NPC1: variants seen among roughly 807,000 people sequenced by gnomAD.
NPC1 encodes Niemann-Pick C1 protein.
Under a neutral mutation model 140.4 loss-of-function variants are expected in NPC1, and 85 were observed. The observed-to-expected ratio is 0.61, with a 90% confidence interval of 0.51 to 0.72. The LOEUF is 0.72. NPC1 is among the 30% of genes least tolerant of loss of function. The pLI is 0.00. For missense variants in NPC1, 1,504 were observed against 1,623.8 expected, an observed-to-expected ratio of 0.93 and a Z score of 1.27; for synonymous variants, 656 against 624.8, an observed-to-expected ratio of 1.05 and a Z score of -0.74.
downstream of NPC1, chr18:23,531,396 C>G: frequency 1.3e-6 from 1 of 770,552 alleles, no homozygotes; most frequent in Non-Finnish European, 1.9e-6. Context: ...ATTTCTAGCT[C>G]AATGTAAGAC....
At chr18:23,546,756 AT>A (rs2058795818) in intron 11 of NPC1, among the ~76,000 whole-genome samples, 1 of 152,228 alleles carries the variant, frequency 6.6e-6, no homozygotes, top group Admixed American at 6.5e-5. Context: ...AAGTCCACAT[AT>A]TATTCTATGC....
At chr18:23,529,503 T>C, downstream of NPC1, 1 of 1,234,100 alleles carries the variant, frequency 8.1e-7, no homozygotes, top group Non-Finnish European at 1.2e-6. Flanking sequence ...TGGAGCGATG[T>C]GTGCAAAACC....
At chr18:23,559,212 A>G (rs1197170456) in intron 6 of NPC1, among the ~76,000 whole-genome samples, 1 of 152,190 alleles carries the variant, frequency 6.6e-6, no homozygotes, top group South Asian at 2.1e-4. Flanking sequence ...TAGCAGCATG[A>G]TTTATAATCC....
intron 2 of NPC1, among the ~76,000 whole-genome samples, chr18:23,572,678 T>TA (rs1234105551): frequency 6.6e-6 from 1 of 152,018 alleles, no homozygotes; most frequent in Admixed American, 6.6e-5. Flanking sequence ...CCCAAATTTT[T>TA]AAAAAATTAG....
intron 1 of NPC1, among the ~76,000 whole-genome samples, chr18:23,577,347 T>A (rs1356056833): frequency 1.8e-5 from 2 of 111,162 alleles, no homozygotes; most frequent in South Asian, 3.2e-4. Flanking sequence ...CTCACAAACC[T>A]TGAGCTAAAC....
chr18:23,508,631 A>G (rs1168003235), intron 3 of NPC1: 1 of 152,198 alleles, frequency 6.6e-6, no homozygotes, highest in Non-Finnish European at 1.5e-5. Flanking sequence ...CATTTTTGTG[A>G]CTGTTTTGCT....
chr18:23,540,469 A>T lies in NPC1; in HGVS notation c.2583T>A (p.Asp861Glu). The T allele has an allele frequency of 6.2e-7, 1 of 1,610,218 alleles. No homozygotes were observed. The highest frequency in any genetic ancestry group is 1.1e-5 in the South Asian group (1 of 90,964). Residue 861 changes from aspartate to glutamate, a missense_variant, in exon 17 of 25, where the codon GAT becomes GAA. Transcript: ENST00000269228. Reference protein sequence around the residue: ...AVLNKVDIGLDQSLSMPDDSY... With the variant: ...AVLNKVDIGLEQSLSMPDDSY... ...TTACATCTGGCATCGAAAGAGACTG[A>T]TCCAATCCAATATCTACTTTGTTCA...
intron 3 of NPC1, among the ~76,000 whole-genome samples, chr18:23,517,104 C>T (rs1203737759): frequency 2.6e-5 from 4 of 151,476 alleles, no homozygotes; most frequent in Admixed American, 2.6e-4. Context: ...ATGTAACAGA[C>T]ATGGAACTAA....
rs761667445 is a variant in NPC1 at position 23,536,686 on chromosome 18, C to T, written c.3232G>A (p.Val1078Ile). ...TMGINGSAYRVFPYSVFYVFY... is the reference protein window; with the variant it reads ...TMGINGSAYRIFPYSVFYVFY... ...GGCAGGCTTTACCTGTAAGGAAATA[C>T]TCGGTAGGCACTGCCGTTAATGCCC... The change falls in exon 21 of 25, where the codon GTA (valine) becomes ATA (isoleucine). Residue 1078 changes from valine (V) to isoleucine (I), a missense_variant. Coordinates refer to ENST00000269228, the MANE Select transcript of NPC1 (RefSeq NM_000271.5). The T allele has an allele frequency of 6.2e-7, 1 of 1,613,968 alleles. No homozygotes were observed. Among genetic ancestry groups the T allele is most frequent in the South Asian group, 1.1e-5 (1 of 91,058 alleles).
At chr18:23,536,218 T>C (rs1287156058) in intron 21 of NPC1, among the ~76,000 whole-genome samples, 1 of 152,164 alleles carries the variant, frequency 6.6e-6, no homozygotes, top group Non-Finnish European at 1.5e-5. Flanking sequence ...TTCTACAGTT[T>C]CTAAATTCAG....
rs1434362684 is a variant in NPC1 at position 23,541,288 on chromosome 18, A to C, written c.2373+18T>G. On this transcript the variant is annotated intron_variant, in intron 15 of 24. Coordinates refer to ENST00000269228, the MANE Select transcript of NPC1 (RefSeq NM_000271.5). ...CTAGACTCAAATTAAATAGACTATAATCCTGGCACCAACTTACCTCTTGAC... is the reference window on the plus strand; with the variant it reads ...CTAGACTCAAATTAAATAGACTATACTCCTGGCACCAACTTACCTCTTGAC... 2 of 1,614,064 alleles carry C rather than the reference A, an allele frequency of 1.2e-6. No homozygotes were observed.
chr18:23,544,215 G>T, intron 13 of NPC1, 129 bp downstream of exon 13: 1 of 884,900 alleles, frequency 1.1e-6, no homozygotes, highest in Non-Finnish European at 1.8e-6. Context: ...CAAGACGACC[G>T]ATGAGCCACA....
intron 1 of NPC1, among the ~76,000 whole-genome samples, chr18:23,575,881 G>GT (rs1240888076): frequency 1.3e-5 from 2 of 150,820 alleles, no homozygotes; most frequent in Non-Finnish European, 3.0e-5. Flanking sequence ...GAGCCCAGGA[G>GT]TTTGAGACCA....
At chr18:23,572,819 A>G (rs892071128) in intron 2 of NPC1, among the ~76,000 whole-genome samples, 1 of 152,230 alleles carries the variant, frequency 6.6e-6, no homozygotes, top group Non-Finnish European at 1.5e-5. Context: ...CAGCCAGGAT[A>G]AAAGAGCAAG....
At chr18:23,553,479 G>A (rs1034067572) in intron 9 of NPC1, among the ~76,000 whole-genome samples, 2 of 152,142 alleles carry the variant, frequency 1.3e-5, no homozygotes, top group African/African-American at 2.4e-5. Context: ...TGCATAAAAA[G>A]TCTTACTCCA....
At chr18:23,530,537 A>G (rs1367274353), downstream of NPC1, 3 of 1,614,262 alleles carry the variant, frequency 1.9e-6, no homozygotes, top group Non-Finnish European at 1.7e-6. Flanking sequence ...TGAAGACAAC[A>G]TGCTTTTCTA....
Position 23,548,007 on chromosome 18 carries a change from C to T in NPC1, c.1756G>A (p.Glu586Lys), listed in dbSNP as rs369753548. 7 of 1,576,840 alleles carry T rather than the reference C, an allele frequency of 4.4e-6. No homozygotes were observed. In the African/African-American group the frequency reaches 8.1e-5, roughly 18 times the overall value. Reference protein sequence around the residue: ...KLQRAQAWEKEFINFVKNYKN... With the variant: ...KLQRAQAWEKKFINFVKNYKN... The stretch of plus-strand genomic sequence containing the variant: ...TGCTCACACCCATGAGTGACTCACT[C>T]TTTTTCCCAGGCCTGGGCCCTCTGG... Residue 586 changes from glutamate (E) to lysine (K), a missense_variant and splice_region_variant, in exon 11 of 25, where the codon GAG (glutamate) becomes AAG (lysine). By Grantham distance (56) the Glu-to-Lys change is moderately conservative. Coordinates refer to ENST00000269228, the MANE Select transcript of NPC1 (RefSeq NM_000271.5).
downstream of NPC1, among the ~76,000 whole-genome samples, chr18:23,525,415 T>C (rs1436784334): frequency 6.6e-6 from 1 of 151,928 alleles, no homozygotes; most frequent in Non-Finnish European, 1.5e-5. Context: ...GCCCAGTTAA[T>C]TTATTATAAT....
At chr18:23,541,269 T>G (rs745456641) in intron 15 of NPC1, 37 bp downstream of exon 15, 20 of 1,614,086 alleles carry the variant, frequency 1.2e-5, no homozygotes, top group Non-Finnish European at 1.4e-5. Flanking sequence ...GATTCTAGAC[T>G]CAAATTAAAT....
Sources: allele counts gnomAD v4.1 joint callset (sites outside exome capture counted in the v4.1 genomes callset), GRCh38; gene constraint gnomAD v4.1.1; transcripts MANE v1.5; gene names NCBI Gene and HGNC (gene_info 2026-07-23, HGNC 2026-07-21).